F7: variants seen among roughly 807,000 people sequenced by gnomAD.
F7 encodes the protein coagulation factor VII.
F7 carries 38 observed loss-of-function variants against 47.5 expected under a neutral mutation model. The ratio of observed to expected loss-of-function variants is 0.80; its 90% CI spans 0.62 to 1.05. The LOEUF (loss-of-function observed/expected upper bound fraction) is 1.05, where lower values mean the gene tolerates loss of function less well. F7 is among the 50% of genes least tolerant of loss of function. The pLI, the probability that F7 is intolerant of heterozygous loss-of-function variation, is 0.00. For synonymous variants in F7, 244 were observed against 258.5 expected, an observed-to-expected ratio of 0.94 and a Z score of 0.54; for missense variants, 575 against 605.4, an observed-to-expected ratio of 0.95 and a Z score of 0.53.
intron 5 of F7, 30 bp from the exon 6 acceptor site, chr13:113,116,736 C>T: frequency 2.7e-6 from 4 of 1,502,180 alleles, no homozygotes; most frequent in African/African-American, 1.4e-5. Flanking sequence ...TCACAAATCT[C>T]TGCATCTTTC....
At chr13:113,114,336 T>G (rs996674066) in intron 4 of F7, among the ~76,000 whole-genome samples, 49 of 152,024 alleles carry the variant, frequency 3.2e-4, no homozygotes, top group Non-Finnish European at 5.6e-4. Flanking sequence ...GGGTTTGTTT[T>G]TTTTTTAACC....
Position 113,119,079 on chromosome 13 carries a change from T to G in F7, c.*71T>G. The G allele has an allele frequency of 7.0e-7, 1 of 1,433,534 alleles. No individual in the cohort carries two copies. The highest frequency in any genetic ancestry group is 9.6e-7 in the Non-Finnish European group (1 of 1,039,270). 88.8% of individuals were successfully genotyped at this position (1,433,534 alleles called of 1,614,324 possible). ...CTGTCCTGGCACCAAATCCCATATATTCTTCTGCAGTTAATGGGGTAGAGG... is the reference window on the plus strand; with the variant it reads ...CTGTCCTGGCACCAAATCCCATATAGTCTTCTGCAGTTAATGGGGTAGAGG... On this transcript the variant is annotated 3_prime_UTR_variant, in exon 8 of 8. Transcript: ENST00000346342.
chr13:113,110,212 G>GT (rs1374724485), intron 1 of F7: 1 of 169,330 alleles, frequency 5.9e-6, no homozygotes, highest in African/African-American at 2.4e-5. Flanking sequence ...CTCGGACCAG[G>GT]ACGGAGGCCT....
At chr13:113,107,938 G>T (rs2036000632) in intron 1 of F7, among the ~76,000 whole-genome samples, 1 of 97,034 alleles carries the variant, frequency 1.0e-5, no homozygotes, top group South Asian at 3.6e-4. Flanking sequence ...TGTCCCGGGG[G>T]TGTGGGTGTC....
Position 113,113,696 on chromosome 13 carries a change from CG to C in F7, c.226-55del. 6.4e-7 allele frequency: 1 copy of C among 1,553,874 alleles called. No homozygotes were observed. On this transcript the variant is annotated intron_variant, in intron 2 of 7. Coordinates refer to ENST00000346342, the MANE Select transcript of F7 (RefSeq NM_019616.4). The surrounding 1 kb of genome is among the most constrained non-coding windows in gnomAD (Gnocchi z 4.1). ...AGTTCATGGTGTGTCCAGTGCTTAC[CG>C]TTGGGTGCTCTGGTGAAGGTGCATC... is the stretch of plus-strand genomic sequence containing the variant.
rs1358928682 is a variant in F7 at position 113,113,123 on chromosome 13, A to C, written c.226-629A>C. On this transcript the variant is annotated intron_variant, in intron 2 of 7. Transcript: ENST00000346342. This position sits in a 1 kb window ranked among gnomAD's most constrained non-coding sequence, Gnocchi z 4.1. ...ACTCACAGAACCACATCTCATATGC[A>C]CAAGACACCTCACACTCAGGACACC... 6.6e-6 allele frequency among the ~76,000 whole-genome samples: 1 copy of C among 151,856 alleles called. No individual in the cohort carries two copies. Among genetic ancestry groups the C allele is most frequent in the African/African-American group, 2.4e-5 (1 of 41,304 alleles).
rs764971156 is a variant in F7, at chr13:113,115,786, C to T, written c.491C>T (p.Ser164Phe). Reference protein sequence around the residue: ...EGYSLLADGVSCTPTVEYPCG... With the variant: ...EGYSLLADGVFCTPTVEYPCG... ...TACTCTCTGCTGGCAGACGGGGTGT[C>T]CTGCACACCCACAGGTGACCAGGCT... The change falls in exon 5 of 8, where the codon TCC (serine) becomes TTC (phenylalanine). Residue 164 changes from serine to phenylalanine, a missense_variant. Ser to Phe is a radical substitution (Grantham distance 155). Transcript: ENST00000346342. 8.7e-6 allele frequency: 14 copies of T among 1,613,292 alleles called. No homozygotes were observed. The highest frequency in any genetic ancestry group is 2.2e-5 in the East Asian group (1 of 44,884).
At chr13:113,111,661 CCT>C (rs1211052631) in intron 2 of F7, among the ~76,000 whole-genome samples, 1 of 119,744 alleles carries the variant, frequency 8.4e-6, no homozygotes, top group African/African-American at 3.3e-5. Context: ...TCACAGGACA[CCT>C]CACACAAGAC....
At chr13:113,107,990 T>C (rs3116667) in intron 1 of F7, among the ~76,000 whole-genome samples, 54 of 3,092 alleles carry the variant, frequency 0.017, no homozygotes, top group African/African-American at 0.015. Flanking sequence ...GTTCCGGAGG[T>C]GAGGGTGTCC....
At chr13:113,109,674 C>G (rs1442318401) in intron 1 of F7, among the ~76,000 whole-genome samples, 1 of 152,188 alleles carries the variant, frequency 6.6e-6, no homozygotes, top group Non-Finnish European at 1.5e-5. Flanking sequence ...GAGCCCCTCC[C>G]GCGCGTCCTC....
chr13:113,117,731 G>A (rs964421331), intron 7 of F7, 135 bp downstream of exon 7: 58 of 1,506,012 alleles, frequency 3.9e-5, no homozygotes, highest in South Asian at 2.6e-4. Flanking sequence ...TCCCCTGTCC[G>A]ACCGCGGTGC....
intron 7 of F7, 101 bp from the exon 8 acceptor site, chr13:113,118,312 C>A: frequency 7.6e-7 from 1 of 1,311,802 alleles, no homozygotes; most frequent in East Asian, 2.3e-5. Flanking sequence ...AAGGAGACTG[C>A]AGCCCCTGCA....
intron 2 of F7, 140 bp downstream of exon 2, chr13:113,110,990 G>C (rs1002191796): frequency 9.8e-7 from 1 of 1,023,084 alleles, no homozygotes; most frequent in Non-Finnish European, 1.4e-6. Context: ...CTTTCTGCGG[G>C]GGTCGCTTTC....
At position 113,116,038 on chromosome 13, in the gene F7, G is replaced by A. The variant is rs536940912; in HGVS notation, c.505+238G>A. Among the ~76,000 whole-genome samples, 6 of 152,336 alleles carry A rather than the reference G, an allele frequency of 3.9e-5. No homozygotes were observed. In the East Asian group the frequency reaches 1.2e-3, roughly 29 times the overall value. ...GCCTCAGGCCCCCTGCCAATTCTAGGCAGACCAGGGGAGCCAAGCAAGGCA... is the reference window on the plus strand; with the variant it reads ...GCCTCAGGCCCCCTGCCAATTCTAGACAGACCAGGGGAGCCAAGCAAGGCA... On this transcript the variant is annotated intron_variant, in intron 5 of 7. Coordinates refer to ENST00000346342, the MANE Select transcript of F7 (RefSeq NM_019616.4).
intron 4 of F7, chr13:113,114,687 A>T (rs569020360): frequency 2.1e-4 from 33 of 154,832 alleles, no homozygotes; most frequent in Non-Finnish European, 4.4e-4. Context: ...GGCTGACCTC[A>T]GTCTCAGCCC....
At position 113,116,832 on chromosome 13, in the gene F7, T is replaced by C; in HGVS notation, c.572T>C (p.Ile191Thr). The C allele has an allele frequency of 6.2e-7, 1 of 1,613,826 alleles. No homozygotes were observed. The highest frequency in any genetic ancestry group is 8.5e-7 in the Non-Finnish European group (1 of 1,180,012). The change falls in exon 6 of 8, where the codon ATT becomes ACT. Residue 191 changes from isoleucine to threonine, a missense_variant. Transcript: ENST00000346342. ...AATGCCAGCAAACCCCAAGGCCGAA[T>C]TGTGGGGGGCAAGGTGTGCCCCAAA... Reference protein sequence around the residue: ...KRNASKPQGRIVGGKVCPKGE... With the variant: ...KRNASKPQGRTVGGKVCPKGE...
chr13:113,114,055 G>T (rs997137999), intron 4 of F7, 95 bp downstream of exon 4: 2 of 1,327,134 alleles, frequency 1.5e-6, no homozygotes, highest in Admixed American at 3.7e-5. Context: ...ACAACCTGGT[G>T]GGGTGTGTAG....
intron 2 of F7, among the ~76,000 whole-genome samples, chr13:113,112,830 CACACTCACAGGTCACCTT>C (rs369443719): frequency 1.3e-5 from 2 of 149,560 alleles, no homozygotes; most frequent in African/African-American, 5.0e-5. Context: ...CAGGACACCT[CACACTCACAGGTCACCTT>C]ACTCTCACAG....
chr13:113,109,489 G>T (rs1165229643), intron 1 of F7, among the ~76,000 whole-genome samples: 2 of 152,122 alleles, frequency 1.3e-5, no homozygotes, highest in Non-Finnish European at 2.9e-5. Flanking sequence ...CCTTTCTCTC[G>T]GCCCCACGTG....
Sources: gnomAD v4.1 joint callset for allele counts (sites outside exome capture counted in the v4.1 genomes callset) on GRCh38, gnomAD v4.1.1 for gene constraint, Gnocchi (gnomAD v3.1) non-coding constraint, MANE v1.5 for transcripts, NCBI Gene and HGNC (gene_info 2026-07-23, HGNC 2026-07-21) for gene names.